The following PRKRIP1 variants were observed in gnomAD, a reference collection of about 807,000 sequenced individuals.
PRKRIP1 encodes PRKR-interacting protein 1.
PRKRIP1 carries 29 observed loss-of-function variants against 29.3 expected under a neutral mutation model. The observed-to-expected ratio is 0.99, with a 90% CI of 0.74 to 1.35. PRKRIP1 has a LOEUF of 1.35. Among genes scored for constraint, PRKRIP1 ranks in the 40% most tolerant of loss-of-function variants. The pLI is 0.00. For synonymous variants in PRKRIP1, 90 were observed against 85.1 expected (o/e 1.06, Z -0.32); for missense variants, 247 against 236.8 (o/e 1.04, Z -0.28).
In PRKRIP1 at chr7:102,425,092, G is replaced by A; in HGVS notation, c.536G>A (p.Ser179Asn). 1.9e-6 allele frequency: 3 copies of A among 1,612,998 alleles called. No individual in the cohort carries two copies. Among genetic ancestry groups the A allele is most frequent in the Non-Finnish European group, 2.5e-6 (3 of 1,179,930 alleles). ...SGTEEEEEVP[S>N]FTMGR Reference sequence around the variant, plus strand: ...ACAGAGGAGGAGGAGGAAGTGCCCAGTTTCACCATGGGGCGATGACAATGT... The same window carrying A: ...ACAGAGGAGGAGGAGGAAGTGCCCAATTTCACCATGGGGCGATGACAATGT... Residue 179 changes from serine (S) to asparagine (N), a missense_variant, in exon 6 of 6, where the codon AGT becomes AAT. Physicochemically the swap from Ser to Asn is conservative, Grantham distance 46 (BLOSUM62 1). Coordinates refer to ENST00000397912, the MANE Select transcript of PRKRIP1 (RefSeq NM_024653.4).
At chr7:102,417,720 C>T (rs1399517620) in intron 5 of PRKRIP1, among the ~76,000 whole-genome samples, 1 of 146,426 alleles carries the variant, frequency 6.8e-6, no homozygotes, top group African/African-American at 2.5e-5. Flanking sequence ...CGGGCTCAAA[C>T]AATCCTCTCG....
intron 5 of PRKRIP1, among the ~76,000 whole-genome samples, chr7:102,409,874 C>T (rs1554572327): frequency 6.6e-6 from 1 of 152,084 alleles, no homozygotes; most frequent in African/African-American, 2.4e-5. Context: ...TAATTTGACC[C>T]TCCCTCCTCA....
chr7:102,424,429 G>C (rs10277996), intron 5 of PRKRIP1, among the ~76,000 whole-genome samples: 11,285 of 152,310 alleles, frequency 0.074, 460 homozygotes, highest in African/African-American at 0.093. Flanking sequence ...CGCGTGAAGA[G>C]GGGGAGGGGA....
Position 102,416,990 on chromosome 7 carries a change from G to T in PRKRIP1, c.458-8024G>T, listed in dbSNP as rs193133410. ...CCTGCCTCAGCCTCCTGAGTAGCTG[G>T]GACTACAGGCACCCACCACCACTCC... is the stretch of plus-strand genomic sequence containing the variant. On this transcript the variant is annotated intron_variant, in intron 5 of 5. Transcript: ENST00000397912. Among the ~76,000 whole-genome samples the T allele has an allele frequency of 9.3e-3, 1,410 of 152,028 alleles. 26 individuals carry two copies. Among genetic ancestry groups the T allele is most frequent in the African/African-American group, 0.033 (1,353 of 41,450 alleles).
chr7:102,397,600 T>G lies in PRKRIP1; in HGVS notation c.127-20T>G, dbSNP rs782071712. On this transcript the variant is annotated intron_variant, in intron 1 of 5. Coordinates refer to ENST00000397912, the MANE Select transcript of PRKRIP1 (RefSeq NM_024653.4). Reference sequence around the variant, plus strand: ...GTCAACAGGTTTATACTTAAATGCTTTCATGTTTAAATGTTGCAGGACAAA... The same window carrying G: ...GTCAACAGGTTTATACTTAAATGCTGTCATGTTTAAATGTTGCAGGACAAA... The G allele has an allele frequency of 1.5e-5, 24 of 1,603,900 alleles. No individual in the cohort carries two copies. The highest frequency in any genetic ancestry group is 5.0e-5 in the Admixed American group (3 of 59,548).
chr7:102,399,746 C>G (rs936148628), intron 3 of PRKRIP1, 98 bp downstream of exon 3: 3 of 951,812 alleles, frequency 3.2e-6, no homozygotes, highest in Non-Finnish European at 4.9e-6. Flanking sequence ...CGTGGTGGCT[C>G]AGGCCTGTAA....
At position 102,399,624 on chromosome 7, in the gene PRKRIP1, C is replaced by T; in HGVS notation, c.282C>T (p.Asp94=). Residue 94 remains aspartate (D), a synonymous_variant, in exon 3 of 6, where the codon GAC becomes GAT. Transcript: ENST00000397912. Reference sequence around the variant, plus strand: ...GCCGGAGAGAATATCAGCGACAGGACTACATGGATGCCATGGCTGAGAAGG... The same window carrying T: ...GCCGGAGAGAATATCAGCGACAGGATTACATGGATGCCATGGCTGAGAAGG... ...HLRRREYQRQ[D]YMDAMAEKQK... The T allele has an allele frequency of 1.9e-6, 3 of 1,613,932 alleles. No homozygotes were observed. The highest frequency in any genetic ancestry group is 1.1e-5 in the South Asian group (1 of 91,084).
At chr7:102,406,061 AC>A (rs1436718869) in intron 4 of PRKRIP1, among the ~76,000 whole-genome samples, 1 of 152,108 alleles carries the variant, frequency 6.6e-6, no homozygotes, top group African/African-American at 2.4e-5. Flanking sequence ...AATTTGTTCA[AC>A]CTTTGAAGCA....
At chr7:102,421,652 C>T (rs548746520) in intron 5 of PRKRIP1, among the ~76,000 whole-genome samples, 15 of 152,230 alleles carry the variant, frequency 9.9e-5, no homozygotes, top group African/African-American at 3.6e-4. Context: ...AAAAAATTAG[C>T]CGGGTGTAGT....
chr7:102,407,373 A>T, intron 4 of PRKRIP1, 61 bp from the exon 5 acceptor site: 2 of 1,098,986 alleles, frequency 1.8e-6, no homozygotes, highest in South Asian at 2.6e-5. Context: ...GGAGGTGTTT[A>T]TTTTCTAAAA....
At chr7:102,407,544 T>C in intron 5 of PRKRIP1, 46 bp downstream of exon 5, 1 of 1,391,596 alleles carries the variant, frequency 7.2e-7, no homozygotes, top group South Asian at 1.2e-5. Flanking sequence ...TTCTTCTTGT[T>C]GGTCACAGTG....
chr7:102,405,302 C>T (rs782181089), intron 4 of PRKRIP1, among the ~76,000 whole-genome samples: 17 of 152,184 alleles, frequency 1.1e-4, no homozygotes, highest in Admixed American at 2.6e-4. Flanking sequence ...TTATGACTCC[C>T]TCAAGTGACT....
intron 5 of PRKRIP1, among the ~76,000 whole-genome samples, chr7:102,409,067 G>A (rs543026071): frequency 2.8e-4 from 43 of 152,200 alleles, no homozygotes; most frequent in Non-Finnish European, 5.7e-4. Flanking sequence ...CCAGCTATTC[G>A]GGAGGCTGAG....
chr7:102,416,831 C>T (rs1796561508), intron 5 of PRKRIP1, among the ~76,000 whole-genome samples: 1 of 151,948 alleles, frequency 6.6e-6, no homozygotes, highest in Non-Finnish European at 1.5e-5. Flanking sequence ...AGATGCGCAC[C>T]TCCACACCCT....
chr7:102,419,631 T>A (rs977634076), intron 5 of PRKRIP1, among the ~76,000 whole-genome samples: 39 of 152,076 alleles, frequency 2.6e-4, no homozygotes, highest in African/African-American at 7.7e-4. Context: ...CACACTGTCA[T>A]AGAGTCGGAA....
chr7:102,421,951 A>G (rs1284143107), intron 5 of PRKRIP1, among the ~76,000 whole-genome samples: 1 of 152,098 alleles, frequency 6.6e-6, no homozygotes, highest in Non-Finnish European at 1.5e-5. Flanking sequence ...TTTCCACTGT[A>G]TGAATGGCCC....
At chr7:102,411,937 TTTTG>T (rs141698178) in intron 5 of PRKRIP1, among the ~76,000 whole-genome samples, 109,343 of 150,976 alleles carry the variant, frequency 0.72, 39,899 homozygotes, top group Middle Eastern at 0.84. Flanking sequence ...GTTGTTGTTG[TTTTG>T]TTTGTTTGTT....
intron 5 of PRKRIP1, among the ~76,000 whole-genome samples, chr7:102,417,162 G>C (rs117887018): frequency 1.3e-5 from 2 of 151,452 alleles, no homozygotes. Flanking sequence ...GCTAATTTTG[G>C]TATTTTTTCT....
At chr7:102,401,198 A>G (rs1796060967) in intron 3 of PRKRIP1, among the ~76,000 whole-genome samples, 1 of 152,176 alleles carries the variant, frequency 6.6e-6, no homozygotes, top group Non-Finnish European at 1.5e-5. Context: ...GGAAGACATA[A>G]TACAGTGCAT....
Sources: allele counts gnomAD v4.1 joint callset (sites outside exome capture counted in the v4.1 genomes callset), GRCh38; gene constraint gnomAD v4.1.1; transcripts MANE v1.5; gene names NCBI Gene and HGNC (gene_info 2026-07-23, HGNC 2026-07-21).